GRXCR1: variants seen among roughly 807,000 people sequenced by gnomAD.
GRXCR1 encodes the protein glutaredoxin domain-containing cysteine-rich protein 1.
GRXCR1 carries 27 observed loss-of-function variants against 27.3 expected under a neutral mutation model. The ratio of observed to expected loss-of-function variants is 0.99; its 90% CI spans 0.73 to 1.37. The LOEUF is 1.37. GRXCR1 is among the 40% of genes most tolerant of loss of function. The probability of loss-of-function intolerance (pLI) is 0.00; values close to 1 mark genes in which losing one functional copy is unlikely to be tolerated. For synonymous variants in GRXCR1, 122 were observed against 131.1 expected (o/e 0.93, Z 0.47); for missense variants, 379 against 354.4 (o/e 1.07, Z -0.56).
intron 1 of GRXCR1, among the ~76,000 whole-genome samples, chr4:42,933,551 C>G (rs951508898): frequency 6.6e-6 from 1 of 151,928 alleles, no homozygotes; most frequent in African/African-American, 2.4e-5. Flanking sequence ...ATCTTCATAT[C>G]TTCCTCAAAT....
intron 3 of GRXCR1, among the ~76,000 whole-genome samples, chr4:43,029,822 C>A (rs905711749): frequency 6.6e-6 from 1 of 152,088 alleles, no homozygotes; most frequent in Non-Finnish European, 1.5e-5. Context: ...AGATTCTATA[C>A]AAAAATGCAT....
intron 3 of GRXCR1, among the ~76,000 whole-genome samples, chr4:43,023,543 T>A (rs1021850309): frequency 1.3e-5 from 2 of 152,236 alleles, no homozygotes; most frequent in Non-Finnish European, 2.9e-5. Flanking sequence ...CAGAAGCTAG[T>A]AACACATGTG....
intron 3 of GRXCR1, among the ~76,000 whole-genome samples, chr4:43,028,089 G>T (rs915428557): frequency 6.6e-6 from 1 of 151,256 alleles, no homozygotes; most frequent in African/African-American, 2.4e-5. Flanking sequence ...TCCAGCCTGG[G>T]TAACAGAGTG....
Position 42,931,404 on chromosome 4 carries a change from A to G in GRXCR1, c.385-31488A>G, listed in dbSNP as rs1346705002. Among the ~76,000 whole-genome samples the G allele has an allele frequency of 2.6e-5, 4 of 152,062 alleles. No homozygotes were observed. In the East Asian group the frequency reaches 7.8e-4, roughly 30 times the overall value. Reference sequence around the variant, plus strand: ...CTTCTCATCTTGTTTGCCACCTGCCATTAGAATTTCTCTGATTTCTTTAAG... The same window carrying G: ...CTTCTCATCTTGTTTGCCACCTGCCGTTAGAATTTCTCTGATTTCTTTAAG... On this transcript the variant is annotated intron_variant, in intron 1 of 3. Transcript: ENST00000399770.
intron 2 of GRXCR1, among the ~76,000 whole-genome samples, chr4:42,984,255 T>A (rs144793194): frequency 9.7e-4 from 148 of 152,352 alleles, no homozygotes; most frequent in Admixed American, 3.0e-3. Flanking sequence ...ATTTAATCTC[T>A]TTTTTAAATT....
chr4:43,006,076 T>C (rs548994981), intron 2 of GRXCR1, among the ~76,000 whole-genome samples: 2 of 152,324 alleles, frequency 1.3e-5, no homozygotes, highest in East Asian at 3.9e-4. Context: ...AAACATACAT[T>C]GTAAAGATTT....
intron 1 of GRXCR1, among the ~76,000 whole-genome samples, chr4:42,919,930 G>T (rs186655237): frequency 6.6e-6 from 1 of 152,186 alleles, no homozygotes; most frequent in East Asian, 1.9e-4. Flanking sequence ...CGGGAGAAAT[G>T]GAATATAGAG....
At chr4:43,017,653 G>A (rs985652283) in intron 2 of GRXCR1, among the ~76,000 whole-genome samples, 9 of 152,122 alleles carry the variant, frequency 5.9e-5, no homozygotes, top group East Asian at 1.9e-4. Context: ...CATAGGTGTC[G>A]TGGAGGTCTT....
intron 1 of GRXCR1, among the ~76,000 whole-genome samples, chr4:42,943,693 T>A (rs1577915156): frequency 1.3e-5 from 2 of 152,214 alleles, no homozygotes; most frequent in African/African-American, 4.8e-5. Context: ...GAGGTACATA[T>A]TTATCACTTA....
chr4:43,003,373 G>A (rs997954256), intron 2 of GRXCR1, among the ~76,000 whole-genome samples: 8 of 152,124 alleles, frequency 5.3e-5, no homozygotes, highest in South Asian at 4.1e-4. Flanking sequence ...AGGAAAGTGG[G>A]GCATTGCTAT....
At chr4:42,903,040 A>G (rs1746497095) in intron 1 of GRXCR1, among the ~76,000 whole-genome samples, 1 of 151,962 alleles carries the variant, frequency 6.6e-6, no homozygotes, top group Non-Finnish European at 1.5e-5. Flanking sequence ...TCAATAATCC[A>G]GCACTGGGCT....
At chr4:42,917,635 T>C (rs1746913975) in intron 1 of GRXCR1, among the ~76,000 whole-genome samples, 1 of 152,102 alleles carries the variant, frequency 6.6e-6, no homozygotes, top group Non-Finnish European at 1.5e-5. Context: ...TACAGAGGGC[T>C]TTTTAGAGTT....
chr4:42,979,934 A>T (rs1462563933), intron 2 of GRXCR1, among the ~76,000 whole-genome samples: 1 of 151,924 alleles, frequency 6.6e-6, no homozygotes, highest in Non-Finnish European at 1.5e-5. Context: ...CTTCTTAGTT[A>T]TCCAACTTTT....
At chr4:43,025,435 G>C (rs373653840) in intron 3 of GRXCR1, among the ~76,000 whole-genome samples, 1 of 152,170 alleles carries the variant, frequency 6.6e-6, no homozygotes, top group Non-Finnish European at 1.5e-5. Flanking sequence ...CACTCACTGA[G>C]TATCTATCTT....
chr4:43,010,029 A>T (rs541705394), intron 2 of GRXCR1, among the ~76,000 whole-genome samples: 1 of 151,870 alleles, frequency 6.6e-6, no homozygotes, highest in East Asian at 1.9e-4. Context: ...ATATTGTTGT[A>T]CCTCCCTTTA....
chr4:42,963,348 G>A (rs560696495), intron 2 of GRXCR1, among the ~76,000 whole-genome samples: 1 of 152,054 alleles, frequency 6.6e-6, no homozygotes, highest in East Asian at 1.9e-4. Context: ...AAATCAACAA[G>A]AAACTGCATT....
chr4:42,981,140 T>A (rs1397660738), intron 2 of GRXCR1, among the ~76,000 whole-genome samples: 1 of 148,616 alleles, frequency 6.7e-6, no homozygotes, highest in Non-Finnish European at 1.5e-5. Flanking sequence ...GCTTAATGAT[T>A]TTCTGTAGTG....
chr4:42,987,099 A>G (rs1442117692), intron 2 of GRXCR1, among the ~76,000 whole-genome samples: 1 of 149,472 alleles, frequency 6.7e-6, no homozygotes, highest in African/African-American at 2.5e-5. Context: ...AGTTGTGCTA[A>G]GTGCTAAGTT....
At chr4:42,919,933 A>G (rs909723376) in intron 1 of GRXCR1, among the ~76,000 whole-genome samples, 1 of 152,106 alleles carries the variant, frequency 6.6e-6, no homozygotes, top group African/African-American at 2.4e-5. Context: ...GAGAAATGGA[A>G]TATAGAGTTA....
Sources: gnomAD v4.1 joint callset for allele counts (sites outside exome capture counted in the v4.1 genomes callset) on GRCh38, gnomAD v4.1.1 for gene constraint, MANE v1.5 for transcripts, NCBI Gene and HGNC (gene_info 2026-07-23, HGNC 2026-07-21) for gene names.